PRKAG2: variants seen among roughly 807,000 people sequenced by gnomAD.
PRKAG2 encodes the protein protein kinase AMP-activated non-catalytic subunit gamma 2, also known as 5'-AMP-activated protein kinase subunit gamma-2.
In PRKAG2, 26 loss-of-function variants were observed where a neutral mutation model predicts 69.6. The ratio of observed to expected loss-of-function variants is 0.37; its 90% confidence interval spans 0.27 to 0.52. PRKAG2 has a LOEUF of 0.52. Ranked by LOEUF, PRKAG2 falls within the 20% of genes least tolerant of loss-of-function variation. The pLI is 0.90. For missense variants in PRKAG2, 557 were observed against 740.0 expected, an observed-to-expected ratio of 0.75 and a Z score of 2.87; for synonymous variants, 293 against 285.0, an observed-to-expected ratio of 1.03 and a Z score of -0.28.
intron 3 of PRKAG2, among the ~76,000 whole-genome samples, chr7:151,724,671 G>A (rs573432762): frequency 9.1e-4 from 137 of 151,326 alleles, no homozygotes; most frequent in African/African-American, 3.2e-3. Context: ...CTGTGCTCTC[G>A]GACCCTGCGC....
At chr7:151,565,623 T>C (rs1364005990) in intron 12 of PRKAG2, 97 bp downstream of exon 12, 30 of 1,507,770 alleles carry the variant, frequency 2.0e-5, no homozygotes, top group Non-Finnish European at 2.2e-5. Context: ...ACCCAAGTTT[T>C]CATTTTCCCC....
intron 3 of PRKAG2, among the ~76,000 whole-genome samples, chr7:151,697,710 T>TGCAGGGAGGGGGTGTGGAC: frequency 1.3e-5 from 2 of 151,860 alleles, no homozygotes; most frequent in East Asian, 3.9e-4. Flanking sequence ...GTGCGCTGGG[T>TGCAGGGAGGGGGTGTGGAC]GCAGGGAGGG....
At position 151,632,174 on chromosome 7, in the gene PRKAG2, C is replaced by G. The variant is rs1469125088; in HGVS notation, c.685-36G>C. The G allele has an allele frequency of 2.3e-6, 3 of 1,281,152 alleles. No individual in the cohort carries two copies. Among genetic ancestry groups the G allele is most frequent in the African/African-American group, 3.1e-5 (2 of 64,614 alleles). 79.4% of individuals were successfully genotyped at this position (1,281,152 alleles called of 1,614,324 possible). A position where few individuals can be genotyped will look rare whatever the true frequency, so the allele number is the denominator to read the frequency against. ...GGAGGAGGACAGCGATCAGCATGAG[C>G]TGCGACGCTCGTCCCCGGCCGGCGG... On this transcript the variant is annotated intron_variant, in intron 4 of 15. Coordinates refer to ENST00000287878, the MANE Select transcript of PRKAG2 (RefSeq NM_016203.4). This position sits in a 1 kb window ranked among gnomAD's most constrained non-coding sequence, Gnocchi z 4.2.
rs1361539914 is a variant in PRKAG2, at chr7:151,850,446, C to T, written c.114+26061G>A. Among the ~76,000 whole-genome samples the T allele has an allele frequency of 6.6e-6, 1 of 152,248 alleles. No homozygotes were observed. Among genetic ancestry groups the T allele is most frequent in the Non-Finnish European group, 1.5e-5 (1 of 68,040 alleles). Reference sequence around the variant, plus strand: ...GCAGAAGGGCAACCTGTCCCATGCTCTGCCTCGAAGCACACGTCATCTGGT... The same window carrying T: ...GCAGAAGGGCAACCTGTCCCATGCTTTGCCTCGAAGCACACGTCATCTGGT... On this transcript the variant is annotated intron_variant, in intron 1 of 15. Transcript: ENST00000287878. The surrounding 1 kb of genome is among the most constrained non-coding windows in gnomAD (Gnocchi z 4.1).
chr7:151,579,366 A>G (rs1809808598), intron 6 of PRKAG2, among the ~76,000 whole-genome samples: 1 of 152,176 alleles, frequency 6.6e-6, no homozygotes, highest in South Asian at 2.1e-4. Context: ...TTTTCTTCAA[A>G]ATGACAGATT....
At chr7:151,744,469 C>T (rs2074137946) in intron 3 of PRKAG2, among the ~76,000 whole-genome samples, 1 of 152,212 alleles carries the variant, frequency 6.6e-6, no homozygotes, top group Non-Finnish European at 1.5e-5. Context: ...GTCATCAGGC[C>T]GAGCTGCCTC....
rs2150988654 is a variant in PRKAG2, at chr7:151,564,153, C to T, written c.1509G>A (p.Gln503=). 4 of 1,614,180 alleles carry T rather than the reference C, an allele frequency of 2.5e-6. No homozygotes were observed. The South Asian group carries it at 4.4e-5, about 18-fold the overall frequency. Residue 503 remains glutamine, a synonymous_variant, in exon 14 of 16, where the codon CAG becomes CAA. Coordinates refer to ENST00000287878, the MANE Select transcript of PRKAG2 (RefSeq NM_016203.4). The part of the protein sequence containing the change: ...TVTQALQHRS[Q]YFEGVVKCNK... ...TGCACTTCACAACACCTTCAAAATACTGTGAACGGTGCTGAAGGGCCTGGG... is the reference window on the plus strand; with the variant it reads ...TGCACTTCACAACACCTTCAAAATATTGTGAACGGTGCTGAAGGGCCTGGG...
chr7:151,716,097 G>A (rs1356973006), intron 3 of PRKAG2, among the ~76,000 whole-genome samples: 3 of 151,428 alleles, frequency 2.0e-5, no homozygotes, highest in South Asian at 4.1e-4. Context: ...GCTTCAGTAC[G>A]CTCTTTTCTC....
chr7:151,574,782 A>C (rs1483395936), intron 8 of PRKAG2, 109 bp downstream of exon 8: 4 of 1,520,030 alleles, frequency 2.6e-6, no homozygotes, highest in Admixed American at 2.1e-5. Flanking sequence ...ACCATACCAA[A>C]AAAGAAAAAA....
At position 151,632,509 on chromosome 7, in the gene PRKAG2, G is replaced by C; in HGVS notation, c.685-371C>G. On this transcript the variant is annotated intron_variant, in intron 4 of 15. Transcript: ENST00000287878. This position sits in a 1 kb window ranked among gnomAD's most constrained non-coding sequence, Gnocchi z 4.2. ...TCCGGCCGTGGCCCGCGTCCTCCCC[G>C]CCGTGCCGCCATTGGGAGAGGCCCG... is the stretch of plus-strand genomic sequence containing the variant. 2 of 884,736 alleles carry C rather than the reference G, an allele frequency of 2.3e-6. No homozygotes were observed. Among genetic ancestry groups the C allele is most frequent in the Non-Finnish European group, 2.7e-6 (2 of 739,992 alleles). The allele number at this position is 884,736 out of a possible 1,614,324, so 54.8% of individuals were successfully genotyped here.
intron 1 of PRKAG2, among the ~76,000 whole-genome samples, chr7:151,872,293 G>C (rs372384950): frequency 6.6e-6 from 1 of 152,284 alleles, no homozygotes; most frequent in South Asian, 2.1e-4. Flanking sequence ...CCTGGGGGGG[G>C]GCTTTTGCCA....
At chr7:151,565,240 G>T (rs1239289880) in intron 13 of PRKAG2, 106 bp downstream of exon 13, 4 of 968,122 alleles carry the variant, frequency 4.1e-6, no homozygotes, top group Non-Finnish European at 5.9e-6. Flanking sequence ...ACCCCAAAAG[G>T]TTAGAAATTA....
chr7:151,839,662 C>T (rs2079230172), intron 1 of PRKAG2, among the ~76,000 whole-genome samples: 1 of 152,218 alleles, frequency 6.6e-6, no homozygotes, highest in Non-Finnish European at 1.5e-5. Context: ...TCGGTAACCA[C>T]TAGGGAAGAA....
chr7:151,857,321 G>A (rs540771134), intron 1 of PRKAG2, among the ~76,000 whole-genome samples: 6 of 150,976 alleles, frequency 4.0e-5, no homozygotes, highest in African/African-American at 1.5e-4. Flanking sequence ...CTGCACAAAT[G>A]AGGAATGAGG....
chr7:151,636,454 A>T (rs1825751066), intron 4 of PRKAG2, among the ~76,000 whole-genome samples: 3 of 152,192 alleles, frequency 2.0e-5, no homozygotes. Flanking sequence ...GTCAGGGCCC[A>T]TTCACATTGT....
Position 151,851,510 on chromosome 7 carries a change from T to C in PRKAG2, c.114+24997A>G, listed in dbSNP as rs151210993. Among the ~76,000 whole-genome samples the C allele has an allele frequency of 9.0e-3, 1,369 of 152,310 alleles. 22 individuals carry two copies. The highest frequency in any genetic ancestry group is 0.03 in the African/African-American group (1,254 of 41,568). ...TGAGACGTGGAGTCGCAATGGCCAG[T>C]GTGGGCAAGCAGCTCTTGTGAAGTT... is the stretch of plus-strand genomic sequence containing the variant. On this transcript the variant is annotated intron_variant, in intron 1 of 15. Transcript: ENST00000287878.
chr7:151,741,674 CAA>C (rs33969514), intron 3 of PRKAG2, among the ~76,000 whole-genome samples: 70,008 of 126,500 alleles, frequency 0.55, 17,113 homozygotes, highest in East Asian at 0.65. Flanking sequence ...AACTCTGTCT[CAA>C]AAAAAAAAAA....
chr7:151,630,373 G>T (rs1005384607), intron 5 of PRKAG2, among the ~76,000 whole-genome samples: 1 of 152,122 alleles, frequency 6.6e-6, no homozygotes, highest in African/African-American at 2.4e-5. Flanking sequence ...ATCTTAAAAA[G>T]CTCATGAATT....
intron 11 of PRKAG2, among the ~76,000 whole-genome samples, chr7:151,568,021 T>C (rs1211922885): frequency 1.3e-5 from 2 of 152,250 alleles, no homozygotes; most frequent in Non-Finnish European, 2.9e-5. Context: ...CTGGTTCTAT[T>C]TGACTGATTA....
Sources: gnomAD v4.1 joint callset for allele counts (sites outside exome capture counted in the v4.1 genomes callset) on GRCh38, gnomAD v4.1.1 for gene constraint, Gnocchi (gnomAD v3.1) non-coding constraint, MANE v1.5 for transcripts, NCBI Gene and HGNC (gene_info 2026-07-23, HGNC 2026-07-21) for gene names.